Variants in ARPP21 observed in about 807,000 individuals in gnomAD.
The protein encoded by ARPP21 is cAMP-regulated phosphoprotein 21.
ARPP21 carries 69 observed loss-of-function variants against 113.2 expected under a neutral mutation model. The ratio of observed to expected loss-of-function variants is 0.61; its 90% confidence interval spans 0.50 to 0.74. The LOEUF is 0.74. ARPP21 is among the 30% of genes least tolerant of loss of function. The pLI, the probability that ARPP21 is intolerant of heterozygous loss-of-function variation, is 0.00. For synonymous variants in ARPP21, 368 were observed against 375.5 expected (o/e 0.98, Z 0.23); for missense variants, 1,070 against 1,037.4 (o/e 1.03, Z -0.43).
chr3:35,749,728 A>G (rs1282973855), intron 19 of ARPP21, among the ~76,000 whole-genome samples: 1 of 152,062 alleles, frequency 6.6e-6, no homozygotes, highest in Non-Finnish European at 1.5e-5. Flanking sequence ...TTAAATTGTG[A>G]GTTAATTTTT....
chr3:35,684,209 A>T, intron 5 of ARPP21: 2 of 1,314,312 alleles, frequency 1.5e-6, no homozygotes, highest in Non-Finnish European at 2.0e-6. Flanking sequence ...CCCAAAATGC[A>T]CTTGCCTATA....
In ARPP21 at chr3:35,690,853, A is replaced by G. The variant is rs745586407; in HGVS notation, c.546-12A>G. The stretch of plus-strand genomic sequence containing the variant: ...AAATGCTGATTCCACTTTTTCTTGA[A>G]TTATGTTCTAGTAATCATTATAAAA... On this transcript the variant is annotated splice_polypyrimidine_tract_variant and intron_variant, in intron 8 of 20. Coordinates refer to ENST00000684406, the MANE Select transcript of ARPP21 (RefSeq NM_001385562.1). The G allele has an allele frequency of 6.3e-6, 10 of 1,587,272 alleles. No homozygotes were observed. Among genetic ancestry groups the G allele is most frequent in the Non-Finnish European group, 8.6e-6 (10 of 1,168,634 alleles).
intron 1 of ARPP21, among the ~76,000 whole-genome samples, chr3:35,655,732 C>CA (rs1704555090): frequency 6.6e-6 from 1 of 152,010 alleles, no homozygotes; most frequent in African/African-American, 2.4e-5. Flanking sequence ...TATGTCACCT[C>CA]AAGGGGAAAT....
chr3:35,740,724 A>G (rs2094601376), intron 18 of ARPP21, among the ~76,000 whole-genome samples: 1 of 152,198 alleles, frequency 6.6e-6, no homozygotes, highest in Non-Finnish European at 1.5e-5. Flanking sequence ...AAAGCGTTTA[A>G]GTGTCCTTAC....
intron 18 of ARPP21, among the ~76,000 whole-genome samples, chr3:35,741,635 G>A (rs1008192210): frequency 6.6e-6 from 1 of 152,138 alleles, no homozygotes; most frequent in Non-Finnish European, 1.5e-5. Context: ...TGGGAGAAGT[G>A]CATATTTTTT....
At chr3:35,689,100 G>A (rs1405794429) in intron 6 of ARPP21, among the ~76,000 whole-genome samples, 1 of 151,468 alleles carries the variant, frequency 6.6e-6, no homozygotes, top group Admixed American at 6.6e-5. Context: ...CCATATTCAG[G>A]ATTTATTGGG....
chr3:35,690,771 G>A, intron 8 of ARPP21, 94 bp from the exon 9 acceptor site: 1 of 1,186,416 alleles, frequency 8.4e-7, no homozygotes, highest in Non-Finnish European at 1.2e-6. Context: ...TGGTTTAGAT[G>A]AAGAAGAAAT....
In ARPP21 at chr3:35,739,378, C is replaced by A; in HGVS notation, c.1811C>A (p.Thr604Asn). The change falls in exon 18 of 21, where the codon ACT (threonine) becomes AAT (asparagine). Residue 604 changes from threonine to asparagine, a missense_variant. By Grantham distance (65) the Thr-to-Asn change is moderately conservative. Transcript: ENST00000684406. Reference sequence around the variant, plus strand: ...CTGAGCCGGCAGTCCTCGGGGGAGACTCCTGAACCCCCATCAGGTCCTGTC... The same window carrying A: ...CTGAGCCGGCAGTCCTCGGGGGAGAATCCTGAACCCCCATCAGGTCCTGTC... ...MTLSRQSSGE[T>N]PEPPSGPVYP... is the part of the protein sequence containing the mutation. 6.2e-7 allele frequency: 1 copy of A among 1,614,158 alleles called. No homozygotes were observed. The highest frequency in any genetic ancestry group is 8.5e-7 in the Non-Finnish European group (1 of 1,180,026).
At chr3:35,642,718 C>T (rs1025985296) in intron 1 of ARPP21, among the ~76,000 whole-genome samples, 2 of 152,062 alleles carry the variant, frequency 1.3e-5, no homozygotes, top group Admixed American at 6.6e-5. Flanking sequence ...GCTTGTAAAA[C>T]GTTCTGCGAA....
chr3:35,647,633 T>A (rs910543139), intron 1 of ARPP21, among the ~76,000 whole-genome samples: 1 of 152,200 alleles, frequency 6.6e-6, no homozygotes, highest in African/African-American at 2.4e-5. Context: ...GCATTTTCTG[T>A]GACTTACCTT....
intron 19 of ARPP21, among the ~76,000 whole-genome samples, chr3:35,753,965 G>GTT (rs10706706): frequency 3.0e-5 from 4 of 132,036 alleles, no homozygotes; most frequent in Non-Finnish European, 4.9e-5. Flanking sequence ...AATTGAGAAG[G>GTT]TTTTTTTTTT....
rs150177073 is a variant in ARPP21, at chr3:35,647,063, A to G, written c.-213+6665A>G. Among the ~76,000 whole-genome samples, 9 of 152,338 alleles carry G rather than the reference A, an allele frequency of 5.9e-5. No homozygotes were observed. The East Asian group carries it at 1.2e-3, about 20-fold the overall frequency. ...TAGCATATAATCATGTTGCATACAC[A>G]TGCTGCAGCTATCTGCTTACCCTTA... is the stretch of plus-strand genomic sequence containing the variant. On this transcript the variant is annotated intron_variant, in intron 1 of 20. Transcript: ENST00000684406.
At chr3:35,743,708 A>C (rs978846448) in intron 18 of ARPP21, 131 bp from the exon 19 acceptor site, 27 of 861,238 alleles carry the variant, frequency 3.1e-5, no homozygotes, top group Non-Finnish European at 4.7e-5. Context: ...ACATACACAT[A>C]GGCATGGGAG....
chr3:35,639,429 C>T (rs995301478), upstream of ARPP21, among the ~76,000 whole-genome samples: 1 of 151,960 alleles, frequency 6.6e-6, no homozygotes, highest in Non-Finnish European at 1.5e-5. This position sits in a 1 kb window ranked among gnomAD's most constrained non-coding sequence, Gnocchi z 5.0. Context: ...TCAGCCCGGG[C>T]GGGGACCGGA....
chr3:35,751,464 G>A (rs1406840893), intron 19 of ARPP21, among the ~76,000 whole-genome samples: 6 of 152,060 alleles, frequency 3.9e-5, no homozygotes, highest in African/African-American at 7.2e-5. Context: ...TCTGTTCTGC[G>A]TGAGTAAGTA....
chr3:35,783,822 T>C (rs1301990648), intron 19 of ARPP21, among the ~76,000 whole-genome samples: 4 of 152,236 alleles, frequency 2.6e-5, no homozygotes, highest in Non-Finnish European at 5.9e-5. Context: ...TTGCTATGCC[T>C]GTATATTTAC....
At chr3:35,675,337 A>C (rs2077216988) in intron 1 of ARPP21, among the ~76,000 whole-genome samples, 1 of 151,806 alleles carries the variant, frequency 6.6e-6, no homozygotes, top group Non-Finnish European at 1.5e-5. Context: ...ACTCAAACTG[A>C]AACTAACCTT....
At chr3:35,703,348 G>A (rs757530746) in intron 9 of ARPP21, among the ~76,000 whole-genome samples, 1 of 151,848 alleles carries the variant, frequency 6.6e-6, no homozygotes, top group Non-Finnish European at 1.5e-5. Flanking sequence ...CAGCCACACT[G>A]TTTGTCAATT....
At chr3:35,764,938 A>G (rs2095907256) in intron 19 of ARPP21, among the ~76,000 whole-genome samples, 1 of 152,114 alleles carries the variant, frequency 6.6e-6, no homozygotes, top group Non-Finnish European at 1.5e-5. Context: ...ACTTCACAGG[A>G]TCTGATTTAA....
Sources: gnomAD v4.1 joint callset for allele counts (sites outside exome capture counted in the v4.1 genomes callset) on GRCh38, gnomAD v4.1.1 for gene constraint, Gnocchi (gnomAD v3.1) non-coding constraint, MANE v1.5 for transcripts, NCBI Gene and HGNC (gene_info 2026-07-23, HGNC 2026-07-21) for gene names.